Variants in AFG2A observed in about 807,000 individuals in gnomAD.
AFG2A encodes the protein AAA ATPase AFG2A, also known as ATPase family gene 2 protein homolog A.
At chr4:123,307,592 A>C in the AFG2A span, among the ~76,000 whole-genome samples, 1 of 152,218 alleles carries the variant, frequency 6.6e-6, no homozygotes, top group Non-Finnish European at 1.5e-5. Flanking sequence ...AAAATCCCGT[A>C]ATCTTAGGTT....
chr4:122,997,592 C>T, the AFG2A span, among the ~76,000 whole-genome samples: 1 of 152,108 alleles, frequency 6.6e-6, no homozygotes, highest in Non-Finnish European at 1.5e-5. Flanking sequence ...GATAATCCTG[C>T]TGTGAACATT....
chr4:123,170,006 G>T, the AFG2A span, among the ~76,000 whole-genome samples: 1 of 152,164 alleles, frequency 6.6e-6, no homozygotes, highest in Non-Finnish European at 1.5e-5. Context: ...TGAACTCTGG[G>T]TAGAAACAGA....
the AFG2A span, chr4:122,936,202 A>G: frequency 1.0e-5 from 15 of 1,500,760 alleles, no homozygotes; most frequent in African/African-American, 1.8e-4. Flanking sequence ...TCAAGGCTGT[A>G]TTAGTCAAAG....
chr4:123,234,013 C>G, the AFG2A span, among the ~76,000 whole-genome samples: 1 of 151,910 alleles, frequency 6.6e-6, no homozygotes, highest in Non-Finnish European at 1.5e-5. Flanking sequence ...TTATTAAGCT[C>G]CCACCATAAA....
chr4:123,196,762 G>A, the AFG2A span, among the ~76,000 whole-genome samples: 1 of 152,232 alleles, frequency 6.6e-6, no homozygotes, highest in Non-Finnish European at 1.5e-5. Flanking sequence ...TAGAAACAAT[G>A]TCACTGTAAT....
the AFG2A span, among the ~76,000 whole-genome samples, chr4:122,957,893 GTATAT>G: frequency 1.4e-4 from 22 of 151,850 alleles, no homozygotes; most frequent in Admixed American, 1.2e-3. Context: ...ATGACTTCTG[GTATAT>G]TATAGGTGCT....
At chr4:123,306,311 C>T in the AFG2A span, among the ~76,000 whole-genome samples, 51 of 152,130 alleles carry the variant, frequency 3.4e-4, no homozygotes, top group Middle Eastern at 3.4e-3. Context: ...GTCAGATATT[C>T]GATCGTCAGA....
chr4:123,066,189 C>T, the AFG2A span, among the ~76,000 whole-genome samples: 3 of 152,142 alleles, frequency 2.0e-5, no homozygotes, highest in South Asian at 2.1e-4. Context: ...AAGAGGTCTG[C>T]GTTTTAAAAT....
At chr4:123,068,484 G>C in the AFG2A span, among the ~76,000 whole-genome samples, 1 of 152,248 alleles carries the variant, frequency 6.6e-6, no homozygotes, top group Non-Finnish European at 1.5e-5. Flanking sequence ...TACCTGATTG[G>C]AGGTGTCAAT....
At chr4:123,252,982 A>G in the AFG2A span, among the ~76,000 whole-genome samples, 2 of 152,164 alleles carry the variant, frequency 1.3e-5, no homozygotes, top group Non-Finnish European at 2.9e-5. Flanking sequence ...TCCATTATAT[A>G]TTTTGACTAT....
chr4:123,022,994 A>G, the AFG2A span, among the ~76,000 whole-genome samples: 3 of 141,348 alleles, frequency 2.1e-5, no homozygotes, highest in Non-Finnish European at 4.6e-5. Flanking sequence ...ATGAGAACAC[A>G]TGGACACAGG....
At chr4:123,226,646 A>G in the AFG2A span, among the ~76,000 whole-genome samples, 1 of 152,160 alleles carries the variant, frequency 6.6e-6, no homozygotes, top group Non-Finnish European at 1.5e-5. Context: ...ATCGATGTTC[A>G]TCAGGGATAT....
the AFG2A span, chr4:123,319,383 C>T: frequency 6.6e-6 from 1 of 152,142 alleles, no homozygotes; most frequent in Non-Finnish European, 1.5e-5. Flanking sequence ...GAGCACACAC[C>T]AAAGCATCCT....
chr4:123,251,573 A>G, the AFG2A span, among the ~76,000 whole-genome samples: 1 of 152,136 alleles, frequency 6.6e-6, no homozygotes, highest in Non-Finnish European at 1.5e-5. Context: ...AATTTGGGGG[A>G]ATATTAAATG....
At chr4:123,075,585 A>G in the AFG2A span, among the ~76,000 whole-genome samples, 178 of 152,172 alleles carry the variant, frequency 1.2e-3, no homozygotes, top group African/African-American at 4.1e-3. Context: ...CCATTCTTAA[A>G]TTAACTAGAT....
At chr4:123,033,867 G>A in the AFG2A span, among the ~76,000 whole-genome samples, 1 of 152,076 alleles carries the variant, frequency 6.6e-6, no homozygotes, top group East Asian at 1.9e-4. Context: ...TGCTTAAAAA[G>A]GCAAATGAAA....
At chr4:123,085,493 T>G in the AFG2A span, among the ~76,000 whole-genome samples, 1 of 152,172 alleles carries the variant, frequency 6.6e-6, no homozygotes, top group African/African-American at 2.4e-5. Flanking sequence ...TGAAGTCTAC[T>G]GTGTCTGGAA....
the AFG2A span, among the ~76,000 whole-genome samples, chr4:122,970,345 C>T: frequency 6.6e-6 from 1 of 151,950 alleles, no homozygotes; most frequent in African/African-American, 2.4e-5. Context: ...GTAGGCCATA[C>T]CATCTAGATT....
At chr4:123,212,605 G>T in the AFG2A span, among the ~76,000 whole-genome samples, 5 of 152,072 alleles carry the variant, frequency 3.3e-5, no homozygotes, top group Non-Finnish European at 7.4e-5. Flanking sequence ...AATATGAATT[G>T]TGAGTCATAT....
Sources: gnomAD v4.1 joint callset for allele counts (sites outside exome capture counted in the v4.1 genomes callset) on GRCh38, gnomAD v4.1.1 for gene constraint, MANE v1.5 for transcripts, NCBI Gene and HGNC (gene_info 2026-07-23, HGNC 2026-07-21) for gene names.